PAH: variants seen among roughly 807,000 people sequenced by gnomAD.
PAH encodes the protein phenylalanine hydroxylase.
Under a neutral mutation model 62.0 loss-of-function variants are expected in PAH, and 64 were observed. The observed-to-expected ratio is 1.03, with a 90% confidence interval of 0.84 to 1.27. The LOEUF is 1.27. PAH is among the 50% of genes most tolerant of loss of function. PAH has a pLI of 0.00. For synonymous variants in PAH, 195 were observed against 196.2 expected, an observed-to-expected ratio of 0.99 and a Z score of 0.05; for missense variants, 579 against 542.8, an observed-to-expected ratio of 1.07 and a Z score of -0.66.
chr12:102,924,360 T>G (rs1043682619), intron 1 of PAH, among the ~76,000 whole-genome samples: 1 of 108,236 alleles, frequency 9.2e-6, no homozygotes, highest in Admixed American at 9.3e-5. Flanking sequence ...GACTGATGGG[T>G]TTTTTTTTTA....
At chr12:102,931,362 G>A (rs7304365) in intron 1 of PAH, among the ~76,000 whole-genome samples, 4,806 of 152,194 alleles carry the variant, frequency 0.032, 263 homozygotes, top group African/African-American at 0.11. Flanking sequence ...CAGTGGGGTG[G>A]GTAGGTGTTA....
chr12:102,852,208 C>G (rs936908929), intron 7 of PAH: 10 of 203,958 alleles, frequency 4.9e-5, no homozygotes, highest in African/African-American at 2.3e-4. Context: ...TGGAGGTGGA[C>G]AGCAGTGAGG....
At chr12:102,928,177 ATAG>A (rs1878740111) in intron 1 of PAH, among the ~76,000 whole-genome samples, 1 of 152,176 alleles carries the variant, frequency 6.6e-6, no homozygotes, top group Non-Finnish European at 1.5e-5. Context: ...ATGTGGGTAC[ATAG>A]TAGTTGTATA....
chr12:102,851,604 G>A (rs1875149305), intron 8 of PAH, 83 bp downstream of exon 8: 10 of 1,111,986 alleles, frequency 9.0e-6, no homozygotes, highest in East Asian at 2.4e-5. Flanking sequence ...CAGAGGGCAT[G>A]AGGACCCCTC....
At chr12:102,860,896 G>A (rs141232149) in intron 5 of PAH, among the ~76,000 whole-genome samples, 3,911 of 152,234 alleles carry the variant, frequency 0.026, 175 homozygotes, top group African/African-American at 0.09. Context: ...AGAAAACTTA[G>A]GTAATACCAT....
At chr12:102,899,666 C>T (rs956646109) in intron 2 of PAH, among the ~76,000 whole-genome samples, 6 of 150,428 alleles carry the variant, frequency 4.0e-5, no homozygotes, top group Non-Finnish European at 5.9e-5. Context: ...GAGACCATCC[C>T]AGCTAAAACG....
chr12:102,890,077 T>C (rs546792555), intron 3 of PAH, among the ~76,000 whole-genome samples: 1 of 152,374 alleles, frequency 6.6e-6, no homozygotes, highest in African/African-American at 2.4e-5. Context: ...GTCGCTGTAA[T>C]TAACCTTCTC....
At chr12:102,869,183 T>C (rs192823510) in intron 4 of PAH, among the ~76,000 whole-genome samples, 323 of 152,338 alleles carry the variant, frequency 2.1e-3, no homozygotes, top group African/African-American at 7.2e-3. Flanking sequence ...GAACAGTTCT[T>C]ACCCCCATTT....
At chr12:102,892,993 A>T (rs1050314984) in intron 3 of PAH, among the ~76,000 whole-genome samples, 1 of 152,220 alleles carries the variant, frequency 6.6e-6, no homozygotes, top group African/African-American at 2.4e-5. Context: ...CTAAAAAAAA[A>T]TACCACACAA....
chr12:102,909,211 A>G (rs112522096), intron 2 of PAH, among the ~76,000 whole-genome samples: 1 of 152,126 alleles, frequency 6.6e-6, no homozygotes, highest in East Asian at 1.9e-4. Flanking sequence ...GAGAGTTTTC[A>G]GGAGTAATGG....
At chr12:102,875,602 G>A (rs557461937) in intron 4 of PAH, among the ~76,000 whole-genome samples, 37 of 152,258 alleles carry the variant, frequency 2.4e-4, no homozygotes, top group Middle Eastern at 3.4e-3. Context: ...CAACCTTGGC[G>A]CCCCAGGGCT....
At chr12:102,896,189 G>C (rs1365063459) in intron 2 of PAH, among the ~76,000 whole-genome samples, 2 of 152,146 alleles carry the variant, frequency 1.3e-5, no homozygotes, top group Non-Finnish European at 2.9e-5. Context: ...CAGGCACATG[G>C]GGCCTCATTG....
At chr12:102,863,763 G>C (rs79781938) in intron 5 of PAH, among the ~76,000 whole-genome samples, 4,038 of 152,094 alleles carry the variant, frequency 0.027, 177 homozygotes, top group African/African-American at 0.091. Flanking sequence ...TAAACTACCC[G>C]CCTTAAACTC....
chr12:102,858,892 A>G (rs1438412156), intron 5 of PAH, among the ~76,000 whole-genome samples: 2 of 152,102 alleles, frequency 1.3e-5, no homozygotes, highest in South Asian at 4.1e-4. Flanking sequence ...AAACTGATAC[A>G]CTAACATCAC....
upstream of PAH, chr12:102,958,374 G>T (rs1565889029): frequency 3.5e-6 from 5 of 1,447,548 alleles, no homozygotes; most frequent in African/African-American, 1.5e-5. Context: ...CGCAGCCGCC[G>T]CAGCGGCAGC....
chr12:102,946,935 T>G (rs1879519590), intron 1 of PAH: 1 of 152,138 alleles, frequency 6.6e-6, no homozygotes, highest in South Asian at 2.1e-4. Context: ...AATATAAAGT[T>G]CCATTTTTTT....
intron 1 of PAH, among the ~76,000 whole-genome samples, chr12:102,934,453 GT>G (rs1879027259): frequency 6.6e-6 from 1 of 151,186 alleles, no homozygotes; most frequent in Admixed American, 6.6e-5. Context: ...TTCTGTTTCT[GT>G]GAAGAATGTC....
chr12:102,906,669 A>T (rs1225755092), intron 2 of PAH, among the ~76,000 whole-genome samples: 1 of 152,258 alleles, frequency 6.6e-6, no homozygotes, highest in Non-Finnish European at 1.5e-5. Flanking sequence ...GATCACATGC[A>T]TTAAGTGATT....
intron 1 of PAH, among the ~76,000 whole-genome samples, chr12:102,916,084 C>G (rs528472189): frequency 6.6e-6 from 1 of 152,120 alleles, no homozygotes; most frequent in East Asian, 1.9e-4. Flanking sequence ...CTGACTCTCA[C>G]GCTGTTCCTC....
Sources: allele counts gnomAD v4.1 joint callset (sites outside exome capture counted in the v4.1 genomes callset), GRCh38; gene constraint gnomAD v4.1.1; transcripts MANE v1.5; gene names NCBI Gene and HGNC (gene_info 2026-07-23, HGNC 2026-07-21).